ANAPC1: variants seen among roughly 807,000 people sequenced by gnomAD.
ANAPC1 encodes anaphase promoting complex subunit 1.
ANAPC1 carries 36 observed loss-of-function variants against 208.0 expected under a neutral mutation model. The ratio of observed to expected loss-of-function variants is 0.17; its 90% CI spans 0.13 to 0.23. The LOEUF (loss-of-function observed/expected upper bound fraction) is 0.23, where lower values mean the gene tolerates loss of function less well. Ranked by LOEUF, ANAPC1 falls within the 10% of genes least tolerant of loss-of-function variation. ANAPC1 has a pLI of 1.00. For missense variants in ANAPC1, 942 were observed against 2,011.6 expected, an observed-to-expected ratio of 0.47 and a Z score of 10.17; for synonymous variants, 378 against 695.2, an observed-to-expected ratio of 0.54 and a Z score of 7.18.
Position 111,872,610 on chromosome 2 carries a change from G to C in ANAPC1, c.611+20C>G, listed in dbSNP as rs773471542. The C allele has an allele frequency of 1.0e-5, 16 of 1,569,016 alleles. No individual in the cohort carries two copies. The highest frequency in any genetic ancestry group is 1.4e-5 in the Non-Finnish European group (16 of 1,140,164). On this transcript the variant is annotated intron_variant, in intron 6 of 47. Transcript: ENST00000341068. ...CACAAATCCCAAGCAGTAATATTCT[G>C]AAGTGAATAAAATGAATACCTGGGT...
intron 8 of ANAPC1, 28 bp from the exon 9 acceptor site, chr2:111,863,923 A>T: frequency 2.0e-6 from 2 of 995,982 alleles, no homozygotes; most frequent in Non-Finnish European, 2.7e-6. Context: ...AGAAAGAGGA[A>T]AAAAAAAAAA....
At chr2:111,845,147 C>A (rs1680987142) in intron 16 of ANAPC1, among the ~76,000 whole-genome samples, 1 of 152,210 alleles carries the variant, frequency 6.6e-6, no homozygotes, top group Non-Finnish European at 1.5e-5. Flanking sequence ...CCACACCTGG[C>A]CTTATACCAT....
intron 13 of ANAPC1, among the ~76,000 whole-genome samples, chr2:111,854,228 C>T (rs529258858): frequency 6.6e-6 from 1 of 152,218 alleles, no homozygotes; most frequent in South Asian, 2.1e-4. Flanking sequence ...TGTCAATGAG[C>T]GGTAATATTT....
chr2:111,877,075 A>G (rs1368691203), intron 3 of ANAPC1, among the ~76,000 whole-genome samples: 2 of 150,980 alleles, frequency 1.3e-5, no homozygotes, highest in Non-Finnish European at 1.5e-5. Flanking sequence ...TAAATTGCAC[A>G]CACATCATGA....
chr2:111,833,317 A>G lies in ANAPC1; in HGVS notation c.2385-6T>C, dbSNP rs1680264745. 1 of 1,580,750 alleles carries G rather than the reference A, an allele frequency of 6.3e-7. No homozygotes were observed. Among genetic ancestry groups the G allele is most frequent in the Admixed American group, 1.7e-5 (1 of 59,644 alleles). ...AAGGCCCCAATTTTAAGTCCCTAAA[A>G]CAGTAAGGGCATGTAAAAAAGAAGG... On this transcript the variant is annotated splice_polypyrimidine_tract_variant and splice_region_variant and intron_variant, in intron 19 of 47. Transcript: ENST00000341068.
chr2:111,866,504 T>C (rs370220375), intron 7 of ANAPC1: 3 of 162,780 alleles, frequency 1.8e-5, no homozygotes, highest in East Asian at 3.8e-4. Context: ...GGTGGGTGGA[T>C]TGCCTGAGCT....
intron 11 of ANAPC1, chr2:111,857,178 C>T (rs1174066727): frequency 2.3e-5 from 8 of 350,378 alleles, no homozygotes; most frequent in Non-Finnish European, 4.3e-5. Flanking sequence ...CTGCATAGAA[C>T]CATACATACA....
rs558899974 is a variant in ANAPC1, at chr2:111,858,634, C to T, written c.1263-233G>A. Reference sequence around the variant, plus strand: ...TAAATTAGCCAGGCATGATGGCAGGCGCCTGTGGTCGCAGCTACTCTGGAG... The same window carrying T: ...TAAATTAGCCAGGCATGATGGCAGGTGCCTGTGGTCGCAGCTACTCTGGAG... On this transcript the variant is annotated intron_variant, in intron 10 of 47. Coordinates refer to ENST00000341068, the MANE Select transcript of ANAPC1 (RefSeq NM_022662.4). 7.9e-5 allele frequency among the ~76,000 whole-genome samples: 12 copies of T among 152,102 alleles called. No homozygotes were observed. In the South Asian group the frequency reaches 8.3e-4, roughly 11 times the overall value.
At chr2:111,873,898 A>G (rs1214718126) in intron 3 of ANAPC1, among the ~76,000 whole-genome samples, 2 of 152,050 alleles carry the variant, frequency 1.3e-5, no homozygotes, top group Non-Finnish European at 2.9e-5. Flanking sequence ...AAAGATCCAT[A>G]GGAATTAAAA....
intron 37 of ANAPC1, among the ~76,000 whole-genome samples, chr2:111,793,073 A>AGAT (rs1289366415): frequency 6.6e-6 from 1 of 152,204 alleles, no homozygotes; most frequent in East Asian, 1.9e-4. Context: ...TCACACCCAA[A>AGAT]GATAACTGGT....
chr2:111,769,934 G>A (rs1279910927), intron 47 of ANAPC1, among the ~76,000 whole-genome samples: 1 of 151,718 alleles, frequency 6.6e-6, no homozygotes, highest in Non-Finnish European at 1.5e-5. Flanking sequence ...CGCCCGCCTC[G>A]GCCTCCCAAA....
intron 47 of ANAPC1, among the ~76,000 whole-genome samples, chr2:111,771,467 C>T (rs1399403209): frequency 2.0e-5 from 3 of 151,462 alleles, no homozygotes; most frequent in African/African-American, 7.3e-5. Context: ...GGCTCCTCAG[C>T]CCTGCAGCAT....
chr2:111,875,472 A>C (rs373221636), intron 3 of ANAPC1, among the ~76,000 whole-genome samples: 2 of 152,302 alleles, frequency 1.3e-5, no homozygotes. Context: ...CTGATATCTA[A>C]GAGATCACTA....
chr2:111,868,080 T>G lies in ANAPC1; in HGVS notation c.628A>C (p.Met210Leu), dbSNP rs372091222. ...TCTAGTGGGTGCAGCATGCTGAACA[T>G]AGTAGGTAAAGGTTCTCTAGCAATA... ...PGSPREPLPT[M>L]FSMLHPLDEI... The change falls in exon 7 of 48, where the codon ATG becomes CTG. Residue 210 changes from methionine (M) to leucine (L), a missense_variant. By Grantham distance (15) the Met-to-Leu change is conservative (BLOSUM62 2). Transcript: ENST00000341068. 2 of 1,594,672 alleles carry G rather than the reference T, an allele frequency of 1.3e-6. No homozygotes were observed. Among genetic ancestry groups the G allele is most frequent in the Non-Finnish European group, 8.5e-7 (1 of 1,171,138 alleles).
intron 43 of ANAPC1, among the ~76,000 whole-genome samples, chr2:111,781,034 T>C (rs1366120350): frequency 6.6e-6 from 1 of 151,056 alleles, no homozygotes; most frequent in Non-Finnish European, 1.5e-5. Flanking sequence ...GCACTTAGTA[T>C]TACTGAGCTG....
At chr2:111,807,066 A>C in intron 29 of ANAPC1, among the ~76,000 whole-genome samples, 1 of 59,350 alleles carries the variant, frequency 1.7e-5, no homozygotes, top group South Asian at 6.4e-4. Context: ...GCATGCTGAC[A>C]GACACCCGTA....
intron 3 of ANAPC1, among the ~76,000 whole-genome samples, chr2:111,876,565 T>C (rs546723962): frequency 4.6e-5 from 7 of 152,290 alleles, no homozygotes; most frequent in South Asian, 2.1e-4. Context: ...AAAGAACTAC[T>C]TGGATATCAT....
At chr2:111,836,153 A>G (rs1680454855) in intron 18 of ANAPC1, among the ~76,000 whole-genome samples, 1 of 151,816 alleles carries the variant, frequency 6.6e-6, no homozygotes, top group Admixed American at 6.6e-5. Flanking sequence ...ATGCCTGGCT[A>G]ATTTTCAAAT....
At position 111,824,477 on chromosome 2, in the gene ANAPC1, T is replaced by C. The variant is rs541841065; in HGVS notation, c.2812+489A>G. On this transcript the variant is annotated intron_variant, in intron 24 of 47. Transcript: ENST00000341068. ...AACCTAGGAGCATAGGTTTGGGGAA[T>C]AGGGAATATAGAACTCTTTTCCTTC... 1.8e-4 allele frequency among the ~76,000 whole-genome samples: 28 copies of C among 152,260 alleles called. No homozygotes were observed. The East Asian group carries it at 5.2e-3, about 28-fold the overall frequency.
Sources: gnomAD v4.1 joint callset for allele counts (sites outside exome capture counted in the v4.1 genomes callset) on GRCh38, gnomAD v4.1.1 for gene constraint, MANE v1.5 for transcripts, NCBI Gene and HGNC (gene_info 2026-07-23, HGNC 2026-07-21) for gene names.